GMPS: variants seen among roughly 807,000 people sequenced by gnomAD.
GMPS encodes guanosine monophosphate synthase, also known as GMP synthase [glutamine-hydrolyzing].
In GMPS, 15 loss-of-function variants were observed where a neutral mutation model predicts 77.9. The observed-to-expected ratio is 0.19, with a 90% CI of 0.13 to 0.30. The LOEUF (loss-of-function observed/expected upper bound fraction) is 0.30, where lower values mean the gene tolerates loss of function less well. GMPS is among the 10% of genes least tolerant of loss of function. The probability of loss-of-function intolerance (pLI) is 1.00; values close to 1 mark genes in which losing one functional copy is unlikely to be tolerated. For missense variants in GMPS, 590 were observed against 838.8 expected (o/e 0.70, Z 3.66); for synonymous variants, 224 against 275.9 (o/e 0.81, Z 1.86).
chr3:155,917,804 C>T (rs961238191), intron 9 of GMPS, among the ~76,000 whole-genome samples: 11 of 151,840 alleles, frequency 7.2e-5, no homozygotes, highest in South Asian at 4.2e-4. Context: ...ACCCTGGAGG[C>T]GGAGGTTGCA....
chr3:155,883,392 A>G (rs1754254985), intron 1 of GMPS, among the ~76,000 whole-genome samples: 1 of 152,034 alleles, frequency 6.6e-6, no homozygotes, highest in Non-Finnish European at 1.5e-5. Context: ...TTTCTTAAGG[A>G]AAAAAAATGT....
chr3:155,933,211 A>G (rs1236768219), intron 13 of GMPS, among the ~76,000 whole-genome samples: 2 of 152,144 alleles, frequency 1.3e-5, no homozygotes, highest in Non-Finnish European at 2.9e-5. Context: ...AAAAAGAAAA[A>G]AAAAAGAATC....
chr3:155,885,249 A>C (rs1239788938), intron 1 of GMPS, among the ~76,000 whole-genome samples: 1 of 152,188 alleles, frequency 6.6e-6, no homozygotes, highest in Non-Finnish European at 1.5e-5. Flanking sequence ...CGAACATTGA[A>C]AACTTAAACA....
intron 3 of GMPS, among the ~76,000 whole-genome samples, chr3:155,903,516 T>C (rs1754782174): frequency 6.6e-6 from 1 of 152,224 alleles, no homozygotes; most frequent in African/African-American, 2.4e-5. Context: ...CAGAATACCT[T>C]TTAAAATGCT....
chr3:155,896,447 A>G (rs1018444709), intron 2 of GMPS, among the ~76,000 whole-genome samples: 1 of 152,140 alleles, frequency 6.6e-6, no homozygotes, highest in African/African-American at 2.4e-5. Flanking sequence ...CAGGACACAC[A>G]CTAACAAATG....
intron 1 of GMPS, among the ~76,000 whole-genome samples, chr3:155,890,992 T>C (rs1214316359): frequency 1.3e-5 from 2 of 152,264 alleles, no homozygotes; most frequent in Admixed American, 1.3e-4. Context: ...TGGCTGTTTG[T>C]TGTCCATTGA....
intron 1 of GMPS, among the ~76,000 whole-genome samples, chr3:155,874,463 A>G (rs1228246522): frequency 1.3e-5 from 2 of 152,206 alleles, no homozygotes; most frequent in African/African-American, 4.8e-5. Flanking sequence ...TGGGATTTTT[A>G]TCTGGGATGT....
intron 2 of GMPS, among the ~76,000 whole-genome samples, chr3:155,894,935 A>G (rs1250817888): frequency 6.6e-6 from 1 of 152,230 alleles, no homozygotes; most frequent in African/African-American, 2.4e-5. Flanking sequence ...TACCAGCAAG[A>G]ACTAGTTTTT....
At chr3:155,909,208 T>C (rs1284364766) in intron 5 of GMPS, among the ~76,000 whole-genome samples, 2 of 152,320 alleles carry the variant, frequency 1.3e-5, no homozygotes, top group South Asian at 2.1e-4. Flanking sequence ...GAGTAACACA[T>C]GCACATGTAA....
Position 155,870,861 on chromosome 3 carries a change from C to G in GMPS, c.-10C>G. The G allele has an allele frequency of 6.7e-7, 1 of 1,503,726 alleles. No homozygotes were observed. The highest frequency in any genetic ancestry group is 8.9e-7 in the Non-Finnish European group (1 of 1,129,068). 93.1% of individuals were successfully genotyped at this position (1,503,726 alleles called of 1,614,324 possible). ...TCGCCGTCACCGCCGCGGCTCCGGC[C>G]CTGGCCCCGATGGCTCTGTGCAACG... On this transcript the variant is annotated 5_prime_UTR_variant, in exon 1 of 16. Coordinates refer to ENST00000496455, the MANE Select transcript of GMPS (RefSeq NM_003875.3).
At position 155,874,764 on chromosome 3, in the gene GMPS, C is replaced by T. The variant is rs566761027; in HGVS notation, c.27+3867C>T. On this transcript the variant is annotated intron_variant, in intron 1 of 15. Coordinates refer to ENST00000496455, the MANE Select transcript of GMPS (RefSeq NM_003875.3). ...ACAAAAAGTATAGACTTGTCTTATA[C>T]TTGTACAAATGTATTTGATACTTTT... Among the ~76,000 whole-genome samples, 8 of 151,988 alleles carry T rather than the reference C, an allele frequency of 5.3e-5. No homozygotes were observed. In the South Asian group the frequency reaches 1.2e-3, roughly 24 times the overall value.
In GMPS at chr3:155,938,576, G is replaced by A. The variant is rs751758980; in HGVS notation, c.*884G>A. 1.1e-4 allele frequency: 23 copies of A among 203,760 alleles called. No individual in the cohort carries two copies. Among genetic ancestry groups the A allele is most frequent in the Non-Finnish European group, 1.6e-4 (16 of 99,392 alleles). The allele number at this position is 203,760 out of a possible 1,614,324, so 12.6% of individuals were successfully genotyped here. On this transcript the variant is annotated 3_prime_UTR_variant, in exon 16 of 16. Transcript: ENST00000496455. ...CTCTTCTTTTGCTGGTCAGAGAAACGGTTCTGAGATCACAGAAGCTATGAT... is the reference window on the plus strand; with the variant it reads ...CTCTTCTTTTGCTGGTCAGAGAAACAGTTCTGAGATCACAGAAGCTATGAT...
chr3:155,874,616 T>C (rs1417280484), intron 1 of GMPS, among the ~76,000 whole-genome samples: 1 of 152,188 alleles, frequency 6.6e-6, no homozygotes, highest in Non-Finnish European at 1.5e-5. Context: ...GAATGGTTTT[T>C]AGTGTAGTGT....
intron 1 of GMPS, among the ~76,000 whole-genome samples, chr3:155,888,265 G>A (rs1025605574): frequency 4.6e-4 from 67 of 145,368 alleles, no homozygotes; most frequent in African/African-American, 1.6e-3. Context: ...AGGGTTGGTC[G>A]TTCTGAGTTC....
At chr3:155,913,220 C>T (rs1378094746) in intron 7 of GMPS, among the ~76,000 whole-genome samples, 1 of 152,224 alleles carries the variant, frequency 6.6e-6, no homozygotes, top group Admixed American at 6.5e-5. Flanking sequence ...TACAAATTCA[C>T]TGGCTTTTCC....
chr3:155,919,300 G>T lies in GMPS; in HGVS notation c.1280G>T (p.Gly427Val), dbSNP rs1338119264. 3.1e-6 allele frequency: 5 copies of T among 1,594,820 alleles called. No individual in the cohort carries two copies. Among genetic ancestry groups the T allele is most frequent in the African/African-American group, 1.3e-5 (1 of 74,620 alleles). The change falls in exon 10 of 16, where the codon GGA becomes GTA. Residue 427 changes from glycine (G) to valine (V), a missense_variant. By Grantham distance (109) the Gly-to-Val change is moderately radical. Transcript: ENST00000496455. ...GTGAGAATTTTGGGCAGAGAACTTGGACTTCCAGAAGAGTTAGTTTCCAGG... is the reference window on the plus strand; with the variant it reads ...GTGAGAATTTTGGGCAGAGAACTTGTACTTCCAGAAGAGTTAGTTTCCAGG... ...DEVRILGRELGLPEELVSRHP... is the reference protein window; with the variant it reads ...DEVRILGRELVLPEELVSRHP...
intron 5 of GMPS, among the ~76,000 whole-genome samples, chr3:155,909,108 A>G (rs973597220): frequency 2.6e-5 from 4 of 152,186 alleles, no homozygotes; most frequent in Non-Finnish European, 5.9e-5. Flanking sequence ...TAGAATGAGT[A>G]TGAGTTTGGG....
rs1192713588 is a variant in GMPS, at chr3:155,938,211, A to G, written c.*519A>G. On this transcript the variant is annotated 3_prime_UTR_variant, in exon 16 of 16. Transcript: ENST00000496455. Reference sequence around the variant, plus strand: ...GGTGGGCTATTCCAGCCACTTTTGAAGGACACTGAGGGTATAAAATGTAAG... The same window carrying G: ...GGTGGGCTATTCCAGCCACTTTTGAGGGACACTGAGGGTATAAAATGTAAG... 4.5e-6 allele frequency: 1 copy of G among 221,160 alleles called. No individual in the cohort carries two copies. Among genetic ancestry groups the G allele is most frequent in the Non-Finnish European group, 9.0e-6 (1 of 110,578 alleles). The allele number at this position is 221,160 out of a possible 1,614,324, so 13.7% of individuals were successfully genotyped here.
chr3:155,901,049 C>G (rs1185737927), intron 3 of GMPS, among the ~76,000 whole-genome samples: 2 of 152,062 alleles, frequency 1.3e-5, no homozygotes, highest in African/African-American at 4.8e-5. Context: ...CTATACTGCT[C>G]CCTTTATATC....
Sources: allele counts gnomAD v4.1 joint callset (sites outside exome capture counted in the v4.1 genomes callset), GRCh38; gene constraint gnomAD v4.1.1; transcripts MANE v1.5; gene names NCBI Gene and HGNC (gene_info 2026-07-23, HGNC 2026-07-21).